Variants in SYNE2 observed in about 807,000 individuals in gnomAD.
SYNE2 encodes the protein nesprin-2.
SYNE2 carries 431 observed loss-of-function variants against 856.3 expected under a neutral mutation model. The observed-to-expected ratio is 0.50, with a 90% CI of 0.47 to 0.55. SYNE2 has a LOEUF of 0.55. Ranked by LOEUF, SYNE2 falls within the 20% of genes least tolerant of loss-of-function variation. The pLI is 0.00. For synonymous variants in SYNE2, 2,923 were observed against 2,872.3 expected (o/e 1.02, Z -0.56); for missense variants, 8,129 against 8,023.2 (o/e 1.01, Z -0.50).
rs2098345072 is a variant in SYNE2 at position 64,163,514 on chromosome 14, C to T, written c.16412C>T (p.Pro5471Leu). 6.2e-7 allele frequency: 1 copy of T among 1,614,156 alleles called. No individual in the cohort carries two copies. Among genetic ancestry groups the T allele is most frequent in the Non-Finnish European group, 8.5e-7 (1 of 1,180,016 alleles). Reference sequence around the variant, plus strand: ...AGCACCCACATGCTCCTCCCGGGCCCCCTGCACTCTCTCCAGAGGGCTGCT... The same window carrying T: ...AGCACCCACATGCTCCTCCCGGGCCTCCTGCACTCTCTCCAGAGGGCTGCT... ...ESSTHMLLPG[P>L]LHSLQRAAYL... The change falls in exon 89 of 116, where the codon CCC becomes CTC. Residue 5471 changes from proline to leucine, a missense_variant. This residue lies in a region of SYNE2 where 5,410 missense variants were observed against 5,284.8 expected (regional missense o/e 1.02). Transcript: ENST00000555002.
At chr14:63,810,809 C>A (rs956719341) in intron 1 of SYNE2, among the ~76,000 whole-genome samples, 1 of 152,134 alleles carries the variant, frequency 6.6e-6, no homozygotes, top group African/African-American at 2.4e-5. Flanking sequence ...CTGACTGATT[C>A]CTCCAGAATT....
At position 64,081,433 on chromosome 14, in the gene SYNE2, T is replaced by C. The variant is rs1472807825; in HGVS notation, c.11347-10T>C. The C allele has an allele frequency of 1.9e-6, 3 of 1,614,038 alleles. No individual in the cohort carries two copies. The highest frequency in any genetic ancestry group is 2.5e-6 in the Non-Finnish European group (3 of 1,180,012). On this transcript the variant is annotated splice_polypyrimidine_tract_variant and intron_variant, in intron 56 of 115. Transcript: ENST00000555002. ...ATCTGACTAAGTTTGGTCCTGCATC[T>C]CTTTCCCAGGCCACAGTTAAGATGG...
chr14:64,051,631 C>A lies in SYNE2; in HGVS notation c.7718C>A (p.Ser2573Tyr), dbSNP rs2097227855. ...FIASIEKEKD[S>Y]LGNLKIKWEN... ...GCATCCATAGAAAAAGAGAAAGATTCTTTAGGCAACTTGAAAATCAAATGG... is the reference window on the plus strand; with the variant it reads ...GCATCCATAGAAAAAGAGAAAGATTATTTAGGCAACTTGAAAATCAAATGG... Residue 2573 changes from serine to tyrosine, a missense_variant, in exon 48 of 116, where the codon TCT (serine) becomes TAT (tyrosine). Coordinates refer to ENST00000555002, the MANE Select transcript of SYNE2 (RefSeq NM_182914.3). 6.2e-7 allele frequency: 1 copy of A among 1,613,976 alleles called. No individual in the cohort carries two copies. The highest frequency in any genetic ancestry group is 8.5e-7 in the Non-Finnish European group (1 of 1,179,936).
chr14:63,871,106 C>T (rs575683489), intron 1 of SYNE2, among the ~76,000 whole-genome samples: 1 of 152,136 alleles, frequency 6.6e-6, no homozygotes, highest in African/African-American at 2.4e-5. Context: ...CTCCATTTAT[C>T]AATGCGGTTG....
At chr14:63,873,289 A>G (rs1413148913) in intron 1 of SYNE2, 1 of 121,612 alleles carries the variant, frequency 8.2e-6, no homozygotes, top group Non-Finnish European at 1.8e-5. Context: ...TAGAATGGAT[A>G]TGACTTACTT....
intron 19 of SYNE2, among the ~76,000 whole-genome samples, chr14:63,986,953 G>C (rs180793265): frequency 6.6e-6 from 1 of 152,198 alleles, no homozygotes; most frequent in East Asian, 1.9e-4. Context: ...CAGAGTACAC[G>C]TAAGAGATAA....
chr14:63,766,966 G>C (rs557359925), intron 1 of SYNE2, among the ~76,000 whole-genome samples: 3 of 151,954 alleles, frequency 2.0e-5, no homozygotes, highest in Non-Finnish European at 4.4e-5. Context: ...TGATTAGAAA[G>C]TTATCATAAA....
In SYNE2 at chr14:64,024,985, C is replaced by T. The variant is rs2096966448; in HGVS notation, c.5914C>T (p.Pro1972Ser). ...AGAGAAATGGAAAGGAATGGAAGAA[C>T]CAGGGGAGAAAACTGAGCTGTTCTG... ...QEEKWKGMEEPGEKTELFCQA... is the reference protein window; with the variant it reads ...QEEKWKGMEESGEKTELFCQA... Residue 1972 changes from proline (P) to serine (S), a missense_variant, in exon 40 of 116, where the codon CCA becomes TCA. By Grantham distance (74) the Pro-to-Ser change is moderately conservative. Coordinates refer to ENST00000555002, the MANE Select transcript of SYNE2 (RefSeq NM_182914.3). 6.2e-7 allele frequency: 1 copy of T among 1,613,814 alleles called. No homozygotes were observed.
chr14:63,964,927 T>C (rs1029504502), intron 10 of SYNE2, among the ~76,000 whole-genome samples: 46 of 151,770 alleles, frequency 3.0e-4, no homozygotes, highest in Non-Finnish European at 2.9e-4. Context: ...TGGCAAATAA[T>C]GACAACTGTG....
At chr14:64,159,818 T>G (rs1472227604) in intron 87 of SYNE2, among the ~76,000 whole-genome samples, 3 of 152,136 alleles carry the variant, frequency 2.0e-5, no homozygotes, top group Admixed American at 2.0e-4. Context: ...CTGGAAACAT[T>G]ATAAGGTGGA....
At chr14:64,172,520 C>G (rs1284601362) in intron 94 of SYNE2, among the ~76,000 whole-genome samples, 1 of 152,166 alleles carries the variant, frequency 6.6e-6, no homozygotes, top group Non-Finnish European at 1.5e-5. Flanking sequence ...TTCAAAGATT[C>G]TTATCCCGAG....
intron 85 of SYNE2, among the ~76,000 whole-genome samples, chr14:64,157,797 T>C (rs770588745): frequency 6.6e-6 from 1 of 152,216 alleles, no homozygotes; most frequent in Non-Finnish European, 1.5e-5. Context: ...TAATATCTCA[T>C]TGTGGTTTTG....
In SYNE2 at chr14:63,936,525, A is replaced by G. The variant is rs144685832; in HGVS notation, c.80-4089A>G. On this transcript the variant is annotated intron_variant, in intron 2 of 115. Coordinates refer to ENST00000555002, the MANE Select transcript of SYNE2 (RefSeq NM_182914.3). ...GAATTCACCTGTGGATAACAGTAGA[A>G]AGAACATTCCTAGAAGAAAGAACAG... Among the ~76,000 whole-genome samples, 62 of 152,252 alleles carry G rather than the reference A, an allele frequency of 4.1e-4. 1 individual carries two copies. The highest frequency in any genetic ancestry group is 7.8e-4 in the Non-Finnish European group (53 of 68,012).
intron 96 of SYNE2, among the ~76,000 whole-genome samples, chr14:64,184,009 TA>T (rs2098475709): frequency 6.6e-6 from 1 of 151,500 alleles, no homozygotes; most frequent in Admixed American, 6.6e-5. Flanking sequence ...GGGAGCAATT[TA>T]ATTTAAAGAC....
At chr14:63,903,909 T>C (rs1270559152) in intron 1 of SYNE2, among the ~76,000 whole-genome samples, 1 of 151,928 alleles carries the variant, frequency 6.6e-6, no homozygotes, top group Non-Finnish European at 1.5e-5. Flanking sequence ...GTAACATGGG[T>C]ATATTGTAAC....
intron 99 of SYNE2, chr14:64,202,279 C>T (rs2098576034): frequency 4.3e-6 from 3 of 702,316 alleles, no homozygotes; most frequent in Non-Finnish European, 7.8e-6. Context: ...GGGCTTGGCA[C>T]ATGTTCTCTG....
chr14:63,862,369 G>T (rs1893974504), intron 1 of SYNE2, among the ~76,000 whole-genome samples: 1 of 152,110 alleles, frequency 6.6e-6, no homozygotes, highest in African/African-American at 2.4e-5. Flanking sequence ...TTGCAGCCCT[G>T]ACCTCCTTGG....
At chr14:63,956,598 G>C (rs34939365) in intron 8 of SYNE2, among the ~76,000 whole-genome samples, 21 of 151,896 alleles carry the variant, frequency 1.4e-4, no homozygotes, top group Non-Finnish European at 1.5e-5. Flanking sequence ...TATCATTTAA[G>C]TATACAAATT....
chr14:64,127,127 G>C (rs2097954514), intron 73 of SYNE2, among the ~76,000 whole-genome samples: 1 of 152,196 alleles, frequency 6.6e-6, no homozygotes, highest in Non-Finnish European at 1.5e-5. Flanking sequence ...CGGACATGGT[G>C]GTGTGTGCCT....
Sources: gnomAD v4.1 joint callset for allele counts (sites outside exome capture counted in the v4.1 genomes callset) on GRCh38, gnomAD v4.1.1 for gene constraint, gnomAD v4.1.1 regional missense constraint, MANE v1.5 for transcripts, NCBI Gene and HGNC (gene_info 2026-07-23, HGNC 2026-07-21) for gene names.